Variants in ZNF33A observed in about 807,000 individuals in gnomAD.
The protein encoded by ZNF33A is brain my041 protein.
Under a neutral mutation model 15.9 loss-of-function variants are expected in ZNF33A, and 9 were observed. The ratio of observed to expected loss-of-function variants is 0.57; its 90% CI spans 0.34 to 0.99. The LOEUF is 0.99. Ranked by LOEUF, ZNF33A falls within the 50% of genes least tolerant of loss-of-function variation. ZNF33A has a pLI of 0.02. For missense variants in ZNF33A, 843 were observed against 941.6 expected (o/e 0.90, Z 1.37); for synonymous variants, 294 against 324.2 (o/e 0.91, Z 1.00).
At chr10:38,049,511 C>T (rs1306988546) in intron 4 of ZNF33A, among the ~76,000 whole-genome samples, 2 of 152,030 alleles carry the variant, frequency 1.3e-5, no homozygotes, top group African/African-American at 4.8e-5. Context: ...TATGAAGTTT[C>T]TCCTATATGG....
chr10:38,048,585 A>T (rs1386240304), intron 4 of ZNF33A, among the ~76,000 whole-genome samples: 1 of 152,210 alleles, frequency 6.6e-6, no homozygotes, highest in Non-Finnish European at 1.5e-5. Context: ...AACAAAAAGA[A>T]TGGGAAAAGA....
intron 4 of ZNF33A, among the ~76,000 whole-genome samples, chr10:38,028,715 A>G (rs986013370): frequency 3.3e-5 from 5 of 152,084 alleles, no homozygotes; most frequent in African/African-American, 1.2e-4. Flanking sequence ...TGATCCACCC[A>G]TCTCGGCCTC....
At chr10:38,062,551 C>T (rs561012831), downstream of ZNF33A, among the ~76,000 whole-genome samples, 28 of 152,292 alleles carry the variant, frequency 1.8e-4, no homozygotes, top group Middle Eastern at 3.4e-3. Flanking sequence ...GGCATGCAGC[C>T]TCTGTGTATG....
rs553406607 is a variant in ZNF33A, at chr10:38,016,530, A to C, written c.10-341A>C. Among the ~76,000 whole-genome samples, 3 of 152,276 alleles carry C rather than the reference A, an allele frequency of 2.0e-5. No homozygotes were observed. The East Asian group carries it at 5.8e-4, about 29-fold the overall frequency. Reference sequence around the variant, plus strand: ...CTCAGTTAAGCTCAAAACAGAGCCAACTTTGCTCCTAATGTTAGTCTACTG... The same window carrying C: ...CTCAGTTAAGCTCAAAACAGAGCCACCTTTGCTCCTAATGTTAGTCTACTG... On this transcript the variant is annotated intron_variant, in intron 2 of 4. Coordinates refer to ENST00000432900, the MANE Select transcript of ZNF33A (RefSeq NM_006954.2).
chr10:38,019,136 T>TCCCCCCCCC (rs1192562945), intron 4 of ZNF33A, among the ~76,000 whole-genome samples: 1 of 144,250 alleles, frequency 6.9e-6, no homozygotes, highest in African/African-American at 2.6e-5. Context: ...CCCTCCCCAC[T>TCCCCCCCCC]CCCCCCACCC....
rs2064476639 is a variant in ZNF33A at position 38,016,948 on chromosome 10, G to A, written c.87G>A (p.Leu29=). 4 of 1,613,792 alleles carry A rather than the reference G, an allele frequency of 2.5e-6. No individual in the cohort carries two copies. Among genetic ancestry groups the A allele is most frequent in the Admixed American group, 3.3e-5 (2 of 59,938 alleles). Residue 29 remains leucine, a synonymous_variant, in exon 3 of 5, where the codon CTG becomes CTA. Transcript: ENST00000432900. The stretch of plus-strand genomic sequence containing the variant: ...TCACCCAGGAGGAGTGGCAGCACCT[G>A]GACCCTAGTCAGAGGGCTCTGTATA... ...VGFTQEEWQH[L]DPSQRALYRD...
At chr10:38,054,268 TG>T in intron 4 of ZNF33A, 106 bp from the exon 5 acceptor site, 1 of 1,219,696 alleles carries the variant, frequency 8.2e-7, no homozygotes, top group Non-Finnish European at 1.1e-6. Flanking sequence ...CTCTGGAAAC[TG>T]GCCAAAAAAC....
Position 38,055,922 on chromosome 10 carries a change from A to T in ZNF33A, c.1798A>T (p.Asn600Tyr), listed in dbSNP as rs1221129778. 6.2e-7 allele frequency: 1 copy of T among 1,613,560 alleles called. No homozygotes were observed. The highest frequency in any genetic ancestry group is 8.5e-7 in the Non-Finnish European group (1 of 1,179,856). ...FYNKSYLTKHNRTHTGEKPYE... is the reference protein window; with the variant it reads ...FYNKSYLTKHYRTHTGEKPYE... ...CAATAAATCATACCTAACTAAACATAATAGAACACATACAGGGGAGAAACC... is the reference window on the plus strand; with the variant it reads ...CAATAAATCATACCTAACTAAACATTATAGAACACATACAGGGGAGAAACC... The change falls in exon 5 of 5, where the codon AAT (asparagine) becomes TAT (tyrosine). Residue 600 changes from asparagine to tyrosine, a missense_variant. Transcript: ENST00000432900.
downstream of ZNF33A, among the ~76,000 whole-genome samples, chr10:38,061,617 C>T (rs950051114): frequency 6.6e-6 from 1 of 152,092 alleles, no homozygotes; most frequent in African/African-American, 2.4e-5. Context: ...ATCCAATATG[C>T]TTTGAGTGTT....
chr10:38,059,948 G>A lies in ZNF33A; in HGVS notation c.*3388G>A. The A allele has an allele frequency of 2.4e-6, 1 of 421,346 alleles. No homozygotes were observed. The highest frequency in any genetic ancestry group is 3.2e-6 in the Non-Finnish European group (1 of 314,468). 26.1% of individuals were successfully genotyped at this position (421,346 alleles called of 1,614,324 possible). ...TGGGGAGCCTGTGGAAGATGGGAGG[G>A]GAAAGGGTTATATGAGAATTCTCTA... On this transcript the variant is annotated 3_prime_UTR_variant, in exon 5 of 5. Coordinates refer to ENST00000432900, the MANE Select transcript of ZNF33A (RefSeq NM_006954.2).
At position 38,055,679 on chromosome 10, in the gene ZNF33A, C is replaced by T. The variant is rs1301195096; in HGVS notation, c.1555C>T (p.His519Tyr). 6 of 1,613,910 alleles carry T rather than the reference C, an allele frequency of 3.7e-6. No individual in the cohort carries two copies. The highest frequency in any genetic ancestry group is 5.1e-6 in the Non-Finnish European group (6 of 1,179,972). ...ATTACTCACCAGGCATCAGATAATT[C>T]ATACAGGGTGGAAACCTTATGAATG... Reference protein sequence around the residue: ...KSLLTRHQIIHTGWKPYECYE... With the variant: ...KSLLTRHQIIYTGWKPYECYE... The change falls in exon 5 of 5, where the codon CAT (histidine) becomes TAT (tyrosine). Residue 519 changes from histidine to tyrosine, a missense_variant. Physicochemically the swap from His to Tyr is moderately conservative, Grantham distance 83. Coordinates refer to ENST00000432900, the MANE Select transcript of ZNF33A (RefSeq NM_006954.2).
At chr10:38,053,535 G>A (rs1421208768) in intron 4 of ZNF33A, among the ~76,000 whole-genome samples, 1 of 151,958 alleles carries the variant, frequency 6.6e-6, no homozygotes, top group East Asian at 1.9e-4. Context: ...TGGAGGTTGG[G>A]GTTTTAACAT....
intron 4 of ZNF33A, among the ~76,000 whole-genome samples, chr10:38,045,803 C>G (rs1280294485): frequency 6.6e-6 from 1 of 152,176 alleles, no homozygotes; most frequent in Non-Finnish European, 1.5e-5. Context: ...TAGGCTTGCA[C>G]TCACCCACAC....
In ZNF33A at chr10:38,017,353, C is replaced by A. The variant is rs774235665; in HGVS notation, c.217C>A (p.Gln73Lys). 3.1e-6 allele frequency: 5 copies of A among 1,613,908 alleles called. No homozygotes were observed. The change falls in exon 4 of 5, where the codon CAG (glutamine) becomes AAG (lysine). Residue 73 changes from glutamine (Q) to lysine (K), a missense_variant. Transcript: ENST00000432900. ...GCAACAAGGAGAAGAGCCATGGAAA[C>A]AGGAGGAAGAATTCCCAAGCCAAAG... ...RLQQGEEPWKQEEEFPSQSFP... is the reference protein window; with the variant it reads ...RLQQGEEPWKKEEEFPSQSFP...
At chr10:38,017,436 C>T in intron 4 of ZNF33A, 50 bp downstream of exon 4, 7 of 1,471,414 alleles carry the variant, frequency 4.8e-6, no homozygotes, top group South Asian at 2.4e-5. Context: ...TTGTTGTTTC[C>T]CAGTAGTTAA....
downstream of ZNF33A, among the ~76,000 whole-genome samples, chr10:38,063,644 A>G (rs2066681790): frequency 6.6e-6 from 1 of 152,206 alleles, no homozygotes; most frequent in South Asian, 2.1e-4. Flanking sequence ...TGGTAGATAG[A>G]TAGTGAGGTA....
intron 4 of ZNF33A, among the ~76,000 whole-genome samples, chr10:38,021,653 A>G (rs2064752549): frequency 6.6e-6 from 1 of 152,194 alleles, no homozygotes; most frequent in South Asian, 2.1e-4. Flanking sequence ...AAGAAAAAAA[A>G]AGAGTAGTGC....
chr10:38,043,011 A>G (rs1354376200), intron 4 of ZNF33A, among the ~76,000 whole-genome samples: 1 of 152,184 alleles, frequency 6.6e-6, no homozygotes, highest in East Asian at 1.9e-4. Flanking sequence ...TTTACCCACA[A>G]TAATTGTGGA....
rs540031686 is a variant in ZNF33A at position 38,044,510 on chromosome 10, C to A, written c.251-9865C>A. Among the ~76,000 whole-genome samples the A allele has an allele frequency of 2.0e-5, 3 of 151,912 alleles. No homozygotes were observed. The East Asian group carries it at 5.8e-4, about 30-fold the overall frequency. On this transcript the variant is annotated intron_variant, in intron 4 of 4. Coordinates refer to ENST00000432900, the MANE Select transcript of ZNF33A (RefSeq NM_006954.2). ...CAGGCATGAGCCACCCTGCCTGGCCCAATCTTTTGTTGAGTCATTCTAGTG... is the reference window on the plus strand; with the variant it reads ...CAGGCATGAGCCACCCTGCCTGGCCAAATCTTTTGTTGAGTCATTCTAGTG...
Sources: allele counts gnomAD v4.1 joint callset (sites outside exome capture counted in the v4.1 genomes callset), GRCh38; gene constraint gnomAD v4.1.1; transcripts MANE v1.5; gene names NCBI Gene and HGNC (gene_info 2026-07-23, HGNC 2026-07-21).